Variants in ASTN2 observed in about 807,000 individuals in gnomAD.
ASTN2 encodes astrotactin 2.
ASTN2 carries 54 observed loss-of-function variants against 139.8 expected under a neutral mutation model. The ratio of observed to expected loss-of-function variants is 0.39; its 90% CI spans 0.31 to 0.48. The LOEUF (loss-of-function observed/expected upper bound fraction) is 0.48, where lower values mean the gene tolerates loss of function less well. Ranked by LOEUF, ASTN2 falls within the 20% of genes least tolerant of loss-of-function variation. ASTN2 has a pLI of 0.95. For synonymous variants in ASTN2, 756 were observed against 719.5 expected (o/e 1.05, Z -0.81); for missense variants, 1,565 against 1,725.1 (o/e 0.91, Z 1.64).
intron 22 of ASTN2, among the ~76,000 whole-genome samples, chr9:116,434,266 G>A (rs1847582630): frequency 6.6e-6 from 1 of 152,096 alleles, no homozygotes; most frequent in Admixed American, 6.6e-5. Context: ...TACAGAAAAA[G>A]GTTAAAAGTA....
chr9:117,024,470 C>T (rs1368483754), intron 6 of ASTN2, among the ~76,000 whole-genome samples: 1 of 151,902 alleles, frequency 6.6e-6, no homozygotes, highest in Admixed American at 6.6e-5. Flanking sequence ...ATATACTGAG[C>T]TCCCACTCTA....
chr9:117,363,812 C>G (rs909835041), intron 1 of ASTN2, among the ~76,000 whole-genome samples: 17 of 152,194 alleles, frequency 1.1e-4, no homozygotes, highest in African/African-American at 4.1e-4. Flanking sequence ...CTCGTATCAC[C>G]AGCCATCTCT....
At chr9:117,223,582 C>T (rs990569203) in intron 2 of ASTN2, among the ~76,000 whole-genome samples, 2 of 152,082 alleles carry the variant, frequency 1.3e-5, no homozygotes, top group African/African-American at 4.8e-5. Context: ...TATCTATCTA[C>T]GTCTTATTTT....
chr9:117,411,446 CAAAAAAAA>C (rs199996219), intron 1 of ASTN2, among the ~76,000 whole-genome samples: 8 of 43,242 alleles, frequency 1.9e-4, no homozygotes, highest in South Asian at 9.7e-4. Flanking sequence ...AAAGGATCTG[CAAAAAAAA>C]AAAAAAAAAA....
At chr9:116,900,267 C>T (rs1482525953) in intron 10 of ASTN2, among the ~76,000 whole-genome samples, 1 of 152,206 alleles carries the variant, frequency 6.6e-6, no homozygotes, top group Non-Finnish European at 1.5e-5. Flanking sequence ...GCTGGATCCT[C>T]ATCTAATCCT....
chr9:117,202,187 G>T (rs1337971494), intron 3 of ASTN2, among the ~76,000 whole-genome samples: 2 of 151,812 alleles, frequency 1.3e-5, no homozygotes, highest in Admixed American at 1.3e-4. Context: ...TTTTCCATTT[G>T]CTTGGTAAAT....
At chr9:117,257,115 G>A (rs1211531492) in intron 2 of ASTN2, among the ~76,000 whole-genome samples, 3 of 152,156 alleles carry the variant, frequency 2.0e-5, no homozygotes, top group South Asian at 2.1e-4. Flanking sequence ...AGCATCAAAC[G>A]TTTCAGAAAC....
chr9:117,285,371 G>A (rs974992539), intron 2 of ASTN2, among the ~76,000 whole-genome samples: 1 of 143,152 alleles, frequency 7.0e-6, no homozygotes, highest in African/African-American at 2.6e-5. Flanking sequence ...TTCCATGATT[G>A]AATGATTAAA....
chr9:117,060,537 A>T (rs113819085), intron 5 of ASTN2, among the ~76,000 whole-genome samples: 1 of 107,918 alleles, frequency 9.3e-6, no homozygotes, highest in Non-Finnish European at 1.8e-5. Context: ...AAGGAAGGAA[A>T]GAAAGAAAGA....
At position 117,414,117 on chromosome 9, in the gene ASTN2, G is replaced by C. The variant is rs1182963204; in HGVS notation, c.442+380C>G. Among the ~76,000 whole-genome samples, 3 of 152,160 alleles carry C rather than the reference G, an allele frequency of 2.0e-5. No homozygotes were observed. Among genetic ancestry groups the C allele is most frequent in the Non-Finnish European group, 2.9e-5 (2 of 68,026 alleles). On this transcript the variant is annotated intron_variant, in intron 1 of 22. Transcript: ENST00000313400. This position sits in a 1 kb window ranked among gnomAD's most constrained non-coding sequence, Gnocchi z 4.2. ...GGCGGGTGGCCAGTGACGGTACCCGGAGAAGTGGGAGGCTCGACCTGAAAC... is the reference window on the plus strand; with the variant it reads ...GGCGGGTGGCCAGTGACGGTACCCGCAGAAGTGGGAGGCTCGACCTGAAAC...
rs1383787264 is a variant in ASTN2, at chr9:116,975,115, G to A, written c.1889+93C>T. The A allele has an allele frequency of 4.6e-6, 6 of 1,313,448 alleles. No homozygotes were observed. In the Admixed American group the frequency reaches 1.3e-4, roughly 29 times the overall value. 81.4% of individuals were successfully genotyped at this position (1,313,448 alleles called of 1,614,324 possible). ...GTTCTTCACATCAACTAAACAGCAAGAACACTCCTTAGGGGTTCCTGTGGT... is the reference window on the plus strand; with the variant it reads ...GTTCTTCACATCAACTAAACAGCAAAAACACTCCTTAGGGGTTCCTGTGGT... On this transcript the variant is annotated intron_variant, in intron 10 of 22. Transcript: ENST00000313400.
intron 1 of ASTN2, among the ~76,000 whole-genome samples, chr9:117,310,995 C>A (rs572100124): frequency 9.0e-4 from 137 of 152,216 alleles, no homozygotes; most frequent in Admixed American, 1.9e-3. Context: ...AGTCCTTGAT[C>A]AATTATATGC....
intron 2 of ASTN2, among the ~76,000 whole-genome samples, chr9:117,223,272 AT>A (rs2133041112): frequency 6.6e-6 from 1 of 152,276 alleles, no homozygotes; most frequent in East Asian, 1.9e-4. Flanking sequence ...TAATAGAGAC[AT>A]TTTTGGTTGT....
At chr9:116,494,942 T>G (rs1373445918) in intron 19 of ASTN2, among the ~76,000 whole-genome samples, 1 of 152,168 alleles carries the variant, frequency 6.6e-6, no homozygotes, top group Non-Finnish European at 1.5e-5. Flanking sequence ...GATGAAGCTA[T>G]TTACTGAAGC....
At chr9:117,330,972 A>G (rs1474576987) in intron 1 of ASTN2, among the ~76,000 whole-genome samples, 4 of 152,198 alleles carry the variant, frequency 2.6e-5, no homozygotes, top group African/African-American at 9.6e-5. Context: ...CATGCACAAC[A>G]TAGCAACAGG....
chr9:116,619,362 T>C (rs1856008911), intron 18 of ASTN2, among the ~76,000 whole-genome samples: 1 of 152,056 alleles, frequency 6.6e-6, no homozygotes, highest in Admixed American at 6.6e-5. Flanking sequence ...CTGTTCCTTC[T>C]GCCTGAGACA....
At chr9:116,545,024 G>A (rs1242899099) in intron 19 of ASTN2, among the ~76,000 whole-genome samples, 1 of 152,092 alleles carries the variant, frequency 6.6e-6, no homozygotes, top group African/African-American at 2.4e-5. Context: ...GGACAGGCCC[G>A]GCTCCTCCTC....
chr9:117,166,083 A>C (rs1284003361), intron 3 of ASTN2, among the ~76,000 whole-genome samples: 1 of 152,104 alleles, frequency 6.6e-6, no homozygotes, highest in African/African-American at 2.4e-5. Context: ...GTCTTAACTT[A>C]GTTAACTGGT....
At chr9:117,091,572 T>TG (rs36005728) in intron 5 of ASTN2, among the ~76,000 whole-genome samples, 16,597 of 151,700 alleles carry the variant, frequency 0.11, 1,116 homozygotes, top group Non-Finnish European at 0.16. Context: ...TCTCACGTGA[T>TG]GGGGGGGCAG....
Sources: allele counts gnomAD v4.1 joint callset (sites outside exome capture counted in the v4.1 genomes callset), GRCh38; gene constraint gnomAD v4.1.1; non-coding constraint Gnocchi (gnomAD v3.1); transcripts MANE v1.5; gene names NCBI Gene and HGNC (gene_info 2026-07-23, HGNC 2026-07-21).